Variants in SMG1 observed in about 807,000 individuals in gnomAD.
SMG1 encodes the protein serine/threonine-protein kinase SMG1.
A neutral mutation model predicts 419.9 loss-of-function variants in SMG1; 22 were observed. That is an observed-to-expected ratio of 0.05 (90% CI 0.04 to 0.07). SMG1 has a LOEUF of 0.07. SMG1 is among the 10% of genes least tolerant of loss of function. The probability of loss-of-function intolerance (pLI) is 1.00; values close to 1 mark genes in which losing one functional copy is unlikely to be tolerated. For synonymous variants in SMG1, 1,538 were observed against 1,553.5 expected, an observed-to-expected ratio of 0.99 and a Z score of 0.23; for missense variants, 3,185 against 4,342.0, an observed-to-expected ratio of 0.73 and a Z score of 7.49.
At chr16:18,883,894 G>A (rs2036509629) in intron 9 of SMG1, among the ~76,000 whole-genome samples, 176 bp downstream of exon 9, 1 of 150,814 alleles carries the variant, frequency 6.6e-6, no homozygotes, top group South Asian at 2.1e-4. Flanking sequence ...ACTCCAGCCT[G>A]GGTGACAGAG....
intron 3 of SMG1, among the ~76,000 whole-genome samples, chr16:18,892,652 G>C (rs1440519742): frequency 6.6e-6 from 1 of 152,046 alleles, no homozygotes; most frequent in Non-Finnish European, 1.5e-5. Flanking sequence ...AGAATCACTG[G>C]AGCCCGTGAG....
intron 1 of SMG1, among the ~76,000 whole-genome samples, chr16:18,916,040 G>A (rs1280274749): frequency 7.8e-6 from 1 of 128,032 alleles, no homozygotes; most frequent in African/African-American, 3.1e-5. Flanking sequence ...TTGCACTCCA[G>A]CCTGGGGGAT....
At chr16:18,811,375 T>C (rs1273314475) in intron 62 of SMG1, among the ~76,000 whole-genome samples, 1 of 152,240 alleles carries the variant, frequency 6.6e-6, no homozygotes, top group Non-Finnish European at 1.5e-5. Flanking sequence ...ACTCTCAAAA[T>C]GCTTCGGATT....
At chr16:18,814,434 G>C (rs1372856815) in intron 60 of SMG1, among the ~76,000 whole-genome samples, 1 of 149,904 alleles carries the variant, frequency 6.7e-6, no homozygotes, top group East Asian at 2.0e-4. Flanking sequence ...GGGGGGTGGA[G>C]GTTACAGTGA....
At chr16:18,912,550 G>C (rs1321479297) in intron 1 of SMG1, among the ~76,000 whole-genome samples, 5 of 151,996 alleles carry the variant, frequency 3.3e-5, no homozygotes, top group Non-Finnish European at 5.9e-5. Flanking sequence ...TCTTCAGTAA[G>C]ATTACAATGA....
intron 49 of SMG1, 132 bp downstream of exon 49, chr16:18,834,760 G>T (rs1296979690): frequency 9.7e-7 from 1 of 1,025,896 alleles, no homozygotes; most frequent in East Asian, 2.4e-5. Flanking sequence ...ACACAACCAA[G>T]ATAACTAAAA....
intron 55 of SMG1, among the ~76,000 whole-genome samples, chr16:18,821,029 T>C (rs2032482207): frequency 6.6e-6 from 1 of 152,164 alleles, no homozygotes; most frequent in Admixed American, 6.6e-5. Flanking sequence ...CATCACAAAA[T>C]TCCATTATCT....
intron 52 of SMG1, 24 bp from the exon 53 acceptor site, chr16:18,830,139 G>A (rs774261493): frequency 2.4e-5 from 39 of 1,600,644 alleles, no homozygotes; most frequent in Non-Finnish European, 3.2e-5. Flanking sequence ...AGAAAACAAA[G>A]TTCATTTCTC....
intron 6 of SMG1, among the ~76,000 whole-genome samples, chr16:18,887,791 A>C (rs981758913): frequency 2.2e-5 from 3 of 135,024 alleles, no homozygotes; most frequent in African/African-American, 2.9e-5. Context: ...AAAAAAAAAA[A>C]AAAAAAAACC....
chr16:18,893,739 A>C (rs962618049), intron 3 of SMG1, among the ~76,000 whole-genome samples: 3 of 151,834 alleles, frequency 2.0e-5, no homozygotes, highest in African/African-American at 7.3e-5. Context: ...TTCATTTCTA[A>C]GGTATGAGAA....
At chr16:18,904,412 A>G (rs541977676) in intron 1 of SMG1, among the ~76,000 whole-genome samples, 10 of 151,588 alleles carry the variant, frequency 6.6e-5, no homozygotes, top group African/African-American at 2.4e-4. Context: ...AGGCAGGCAG[A>G]TCATAAGGTC....
chr16:18,884,426 A>T (rs1045169825), intron 8 of SMG1, among the ~76,000 whole-genome samples: 1 of 152,156 alleles, frequency 6.6e-6, no homozygotes, highest in African/African-American at 2.4e-5. Flanking sequence ...AGTAAATTTC[A>T]TATCTATATT....
At chr16:18,887,645 T>C (rs1231601924) in intron 6 of SMG1, among the ~76,000 whole-genome samples, 2 of 117,630 alleles carry the variant, frequency 1.7e-5, no homozygotes, top group African/African-American at 6.9e-5. Flanking sequence ...TGAGCCACCA[T>C]GCCCAGTTAA....
In SMG1 at chr16:18,917,743, A is replaced by G. The variant is rs534843704; in HGVS notation, c.92+8207T>C. ...CAGGCATGCACCACCACACTCGACT[A>G]ATTTTGTATTTTTAGTAGAGACGGG... On this transcript the variant is annotated intron_variant, in intron 1 of 62. Coordinates refer to ENST00000446231, the MANE Select transcript of SMG1 (RefSeq NM_015092.5). 4.7e-5 allele frequency among the ~76,000 whole-genome samples: 7 copies of G among 150,326 alleles called. No homozygotes were observed. In the East Asian group the frequency reaches 8.2e-4, roughly 18 times the overall value.
chr16:18,857,337 T>C (rs1353318818), intron 29 of SMG1: 1 of 152,234 alleles, frequency 6.6e-6, no homozygotes, highest in Admixed American at 6.5e-5. Flanking sequence ...TTTATACAAA[T>C]AGTAATTCTC....
rs938739000 is a variant in SMG1 at position 18,811,937 on chromosome 16, T to C, written c.10801+11A>G. ...ATAAAAATTTAAGGCATCTTTATTC[T>C]AACTAATTACCTTTCCCAGTTTTAG... On this transcript the variant is annotated intron_variant, in intron 61 of 62. Coordinates refer to ENST00000446231, the MANE Select transcript of SMG1 (RefSeq NM_015092.5). 1 of 1,613,068 alleles carries C rather than the reference T, an allele frequency of 6.2e-7. No homozygotes were observed. Among genetic ancestry groups the C allele is most frequent in the South Asian group, 1.1e-5 (1 of 90,926 alleles).
At chr16:18,916,069 CA>C (rs35871395) in intron 1 of SMG1, among the ~76,000 whole-genome samples, 180 of 34,776 alleles carry the variant, frequency 5.2e-3, no homozygotes, top group African/African-American at 0.013. Context: ...CACTTCGTCT[CA>C]AAAAAAAAAA....
rs1454418561 is a variant in SMG1 at position 18,870,927 on chromosome 16, A to G, written c.2303-39T>C. 2.6e-5 allele frequency: 24 copies of G among 939,412 alleles called. No individual in the cohort carries two copies. The East Asian group carries it at 6.3e-4, about 25-fold the overall frequency. 58.2% of individuals were successfully genotyped at this position (939,412 alleles called of 1,614,324 possible). A position where few individuals can be genotyped will look rare whatever the true frequency, so the allele number is the denominator to read the frequency against. On this transcript the variant is annotated intron_variant, in intron 16 of 62. Coordinates refer to ENST00000446231, the MANE Select transcript of SMG1 (RefSeq NM_015092.5). ...AAAGACAGTTACTTTCAGCTGGCCA[A>G]AAGAAATTATATCCCAGTTTGTCAT... is the stretch of plus-strand genomic sequence containing the variant.
At chr16:18,812,639 T>C (rs12927410) in intron 60 of SMG1, among the ~76,000 whole-genome samples, 5 of 144,624 alleles carry the variant, frequency 3.5e-5, no homozygotes, top group Non-Finnish European at 4.6e-5. Flanking sequence ...CACATATATA[T>C]ACACATATAC....
Sources: gnomAD v4.1 joint callset for allele counts (sites outside exome capture counted in the v4.1 genomes callset) on GRCh38, gnomAD v4.1.1 for gene constraint, MANE v1.5 for transcripts, NCBI Gene and HGNC (gene_info 2026-07-23, HGNC 2026-07-21) for gene names.